Variants in KIF5C observed in about 807,000 individuals in gnomAD.
KIF5C encodes the protein kinesin heavy chain isoform 5C.
KIF5C carries 18 observed loss-of-function variants against 125.2 expected under a neutral mutation model. That is an observed-to-expected ratio of 0.14 (90% CI 0.10 to 0.21). KIF5C has a LOEUF of 0.21. Ranked by LOEUF, KIF5C falls within the 10% of genes least tolerant of loss-of-function variation. KIF5C has a pLI of 1.00. For missense variants in KIF5C, 780 were observed against 1,183.8 expected (o/e 0.66, Z 5.01); for synonymous variants, 405 against 434.0 (o/e 0.93, Z 0.83).
intron 25 of KIF5C, 73 bp downstream of exon 25, chr2:149,011,756 G>A: frequency 6.3e-7 from 1 of 1,590,412 alleles, no homozygotes; most frequent in Non-Finnish European, 8.6e-7. Context: ...CCCCTGCCTG[G>A]CAGTGGACCT....
At chr2:148,966,839 T>C (rs950880853) in intron 11 of KIF5C, among the ~76,000 whole-genome samples, 1 of 152,136 alleles carries the variant, frequency 6.6e-6, no homozygotes, top group Non-Finnish European at 1.5e-5. Context: ...CTCCACTATG[T>C]AAGACTATAA....
chr2:149,009,979 G>GTCTGAGTTTTCCTTTCCTT (rs1280023327), intron 23 of KIF5C, among the ~76,000 whole-genome samples, 156 bp from the exon 24 acceptor site: 6 of 152,208 alleles, frequency 3.9e-5, no homozygotes, highest in African/African-American at 1.4e-4. Context: ...GGACCCCACA[G>GTCTGAGTTTTCCTTTCCTT]TCTGAGTTTT....
At chr2:148,926,947 A>C (rs1447237793) in intron 2 of KIF5C, among the ~76,000 whole-genome samples, 1 of 151,982 alleles carries the variant, frequency 6.6e-6, no homozygotes, top group Non-Finnish European at 1.5e-5. Context: ...GGCCGAGTGG[A>C]GTTTGTTCTG....
intron 21 of KIF5C, among the ~76,000 whole-genome samples, chr2:149,004,071 C>G (rs1183420720): frequency 6.6e-6 from 1 of 152,210 alleles, no homozygotes; most frequent in Non-Finnish European, 1.5e-5. Context: ...GGCAGCACAG[C>G]CTCAAACAGG....
intron 3 of KIF5C, among the ~76,000 whole-genome samples, chr2:148,933,902 C>G (rs1473483730): frequency 1.3e-5 from 2 of 150,724 alleles, no homozygotes; most frequent in Non-Finnish European, 3.0e-5. Flanking sequence ...ATATATCACA[C>G]TCCTTAAATA....
At chr2:148,883,292 G>A (rs1293901615) in intron 1 of KIF5C, among the ~76,000 whole-genome samples, 1 of 152,100 alleles carries the variant, frequency 6.6e-6, no homozygotes. Context: ...ATGAGGTCAG[G>A]AGATCGAGAC....
At chr2:148,886,069 C>A (rs1444913949) in intron 1 of KIF5C, 3 of 152,368 alleles carry the variant, frequency 2.0e-5, no homozygotes, top group Admixed American at 2.0e-4. Context: ...GGGCACATAA[C>A]AACTCCATCG....
chr2:149,019,881 T>C (rs1682480647), intron 25 of KIF5C, among the ~76,000 whole-genome samples: 1 of 152,216 alleles, frequency 6.6e-6, no homozygotes, highest in Admixed American at 6.5e-5. Flanking sequence ...CCCCACCCCT[T>C]CTAAAGAAAG....
intron 16 of KIF5C, among the ~76,000 whole-genome samples, chr2:148,992,421 T>A (rs1296536395): frequency 6.6e-6 from 1 of 152,184 alleles, no homozygotes; most frequent in Admixed American, 6.5e-5. Context: ...ATGAAAAAAA[T>A]TTATTTCATA....
chr2:148,877,335 G>A (rs772009167), intron 1 of KIF5C: 6 of 152,226 alleles, frequency 3.9e-5, no homozygotes, highest in Non-Finnish European at 7.3e-5. Flanking sequence ...ATCATTCTGC[G>A]AGCTGACCTA....
intron 2 of KIF5C, among the ~76,000 whole-genome samples, chr2:148,925,059 A>T (rs757601043): frequency 1.3e-5 from 2 of 152,218 alleles, no homozygotes; most frequent in Admixed American, 1.3e-4. Flanking sequence ...CCACGGGAAC[A>T]CAGAAGAATG....
chr2:148,992,949 A>G (rs941088112), intron 16 of KIF5C, among the ~76,000 whole-genome samples: 32 of 152,222 alleles, frequency 2.1e-4, no homozygotes, highest in African/African-American at 7.2e-4. Context: ...TGGAGACCCC[A>G]TGGCCTGCAG....
At chr2:148,981,259 A>G in intron 13 of KIF5C, 96 bp from the exon 14 acceptor site, 2 of 1,441,458 alleles carry the variant, frequency 1.4e-6, no homozygotes, top group Non-Finnish European at 1.8e-6. Flanking sequence ...TTGTTTTCTT[A>G]TATCTGGTTT....
chr2:148,986,321 C>G (rs1681380350), intron 15 of KIF5C, among the ~76,000 whole-genome samples: 2 of 151,916 alleles, frequency 1.3e-5, no homozygotes, highest in African/African-American at 4.8e-5. Flanking sequence ...ATTGGATGTC[C>G]TAGTTAATTT....
chr2:148,942,199 T>C (rs1011650874), intron 6 of KIF5C, among the ~76,000 whole-genome samples: 1 of 152,244 alleles, frequency 6.6e-6, no homozygotes, highest in Non-Finnish European at 1.5e-5. Flanking sequence ...TTTAATATTG[T>C]TCACATTTAA....
At chr2:148,963,131 T>C (rs994392434) in intron 11 of KIF5C, among the ~76,000 whole-genome samples, 3 of 152,016 alleles carry the variant, frequency 2.0e-5, no homozygotes, top group Non-Finnish European at 4.4e-5. Context: ...GATTTTAGCA[T>C]TGTGACGTAG....
chr2:148,930,922 G>A (rs551810363), intron 3 of KIF5C, among the ~76,000 whole-genome samples: 9 of 151,946 alleles, frequency 5.9e-5, no homozygotes, highest in Non-Finnish European at 8.8e-5. Context: ...CCGGCCCCTC[G>A]CCTTTCCCTC....
chr2:148,963,282 T>C (rs956392727), intron 11 of KIF5C, among the ~76,000 whole-genome samples: 2 of 152,090 alleles, frequency 1.3e-5, no homozygotes, highest in Non-Finnish European at 2.9e-5. Flanking sequence ...GTGCTGCAGC[T>C]GTACCTCAGC....
At chr2:148,883,616 T>C (rs1310735563) in intron 1 of KIF5C, 1 of 151,816 alleles carries the variant, frequency 6.6e-6, no homozygotes, top group Admixed American at 6.5e-5. Context: ...AACAAAGATA[T>C]TTTATAAAAT....
Sources: allele counts gnomAD v4.1 joint callset (sites outside exome capture counted in the v4.1 genomes callset), GRCh38; gene constraint gnomAD v4.1.1; transcripts MANE v1.5; gene names NCBI Gene and HGNC (gene_info 2026-07-23, HGNC 2026-07-21).